The following LRCH3 variants were observed in gnomAD, a reference collection of about 807,000 sequenced individuals.
LRCH3 encodes DISP complex protein LRCH3.
A neutral mutation model predicts 104.5 loss-of-function variants in LRCH3; 68 were observed. The ratio of observed to expected loss-of-function variants is 0.65; its 90% CI spans 0.54 to 0.80. The LOEUF is 0.80. LRCH3 is among the 30% of genes least tolerant of loss of function. The pLI, the probability that LRCH3 is intolerant of heterozygous loss-of-function variation, is 0.00. For missense variants in LRCH3, 951 were observed against 953.9 expected (o/e 1.00, Z 0.04); for synonymous variants, 344 against 361.3 (o/e 0.95, Z 0.54).
chr3:197,875,693 T>C lies in LRCH3; in HGVS notation c.2131-5T>C. On this transcript the variant is annotated splice_region_variant and splice_polypyrimidine_tract_variant and intron_variant, in intron 19 of 20. Transcript: ENST00000425562. ...TAGTAACACATTTTCTTTTCCTCAT[T>C]TCAGCCTAAATTAACAATGGCGAAA... 1 of 1,533,336 alleles carries C rather than the reference T, an allele frequency of 6.5e-7. No homozygotes were observed. Among genetic ancestry groups the C allele is most frequent in the Non-Finnish European group, 8.7e-7 (1 of 1,145,834 alleles). 95.0% of individuals were successfully genotyped at this position (1,533,336 alleles called of 1,614,324 possible). A position where few individuals can be genotyped will look rare whatever the true frequency, so the allele number is the denominator to read the frequency against.
At chr3:197,796,268 G>T (rs532333353) in intron 1 of LRCH3, among the ~76,000 whole-genome samples, 1 of 152,150 alleles carries the variant, frequency 6.6e-6, no homozygotes, top group Admixed American at 6.5e-5. Flanking sequence ...GGAGATAGAC[G>T]GGTGGAAGGA....
Position 197,800,131 on chromosome 3 carries a change from A to G in LRCH3, c.262+8591A>G, listed in dbSNP as rs143690800. 3.4e-3 allele frequency among the ~76,000 whole-genome samples: 517 copies of G among 152,066 alleles called. 3 individuals carry two copies. Among genetic ancestry groups the G allele is most frequent in the African/African-American group, 0.012 (497 of 41,486 alleles). ...TTGAACCCCGGTGGTGGAGGTTGCAATGAGCCAAGATCACGCTGATCGCAC... is the reference window on the plus strand; with the variant it reads ...TTGAACCCCGGTGGTGGAGGTTGCAGTGAGCCAAGATCACGCTGATCGCAC... On this transcript the variant is annotated intron_variant, in intron 1 of 20. Coordinates refer to ENST00000425562, the MANE Select transcript of LRCH3 (RefSeq NM_001365715.1).
chr3:197,803,792 C>A (rs1732157078), intron 1 of LRCH3, among the ~76,000 whole-genome samples: 1 of 152,204 alleles, frequency 6.6e-6, no homozygotes, highest in African/African-American at 2.4e-5. Context: ...TTGCAGGCCT[C>A]ATCTCGGAAT....
intron 15 of LRCH3, among the ~76,000 whole-genome samples, chr3:197,864,032 G>A (rs1414947597): frequency 1.3e-5 from 2 of 152,234 alleles, no homozygotes; most frequent in African/African-American, 4.8e-5. Context: ...TAGGCCGGGC[G>A]TGGTGGCTCA....
intron 17 of LRCH3, among the ~76,000 whole-genome samples, chr3:197,868,001 G>A (rs993785644): frequency 1.3e-5 from 2 of 152,102 alleles, no homozygotes; most frequent in Admixed American, 6.5e-5. Context: ...TCCAGCTTGG[G>A]TAACAAAGTG....
At chr3:197,869,580 CGATGCACTGTACCTGCA>C (rs1711836137) in intron 17 of LRCH3, among the ~76,000 whole-genome samples, 180 of 142,214 alleles carry the variant, frequency 1.3e-3, no homozygotes, top group African/African-American at 4.4e-3. Flanking sequence ...AGGTAGAAAG[CGATGCACTGTACCTGCA>C]GGAAGTAGAA....
chr3:197,824,360 G>GA (rs1734866881), intron 4 of LRCH3, among the ~76,000 whole-genome samples: 2 of 76,604 alleles, frequency 2.6e-5, no homozygotes, highest in Middle Eastern at 6.1e-3. Flanking sequence ...ACCACGCCCG[G>GA]CTTTTTTTTT....
At chr3:197,840,945 G>T (rs75046914) in intron 10 of LRCH3, among the ~76,000 whole-genome samples, 1 of 151,980 alleles carries the variant, frequency 6.6e-6, no homozygotes, top group Non-Finnish European at 1.5e-5. Context: ...CCCCTCTCAC[G>T]TCCTGCATCC....
chr3:197,853,013 T>C (rs568482599), intron 13 of LRCH3, among the ~76,000 whole-genome samples: 2 of 152,328 alleles, frequency 1.3e-5, no homozygotes, highest in Non-Finnish European at 2.9e-5. Context: ...ATAACACTTA[T>C]TTTATAATAT....
intron 20 of LRCH3, chr3:197,881,078 T>A (rs897086180): frequency 1.9e-6 from 2 of 1,078,922 alleles, no homozygotes; most frequent in Non-Finnish European, 2.3e-6. Flanking sequence ...ACAATACAAC[T>A]CCCATCTGGC....
rs528963548 is a variant in LRCH3, at chr3:197,887,442, G to T, written c.*3776G>T. On this transcript the variant is annotated 3_prime_UTR_variant, in exon 21 of 21. Transcript: ENST00000425562. The stretch of plus-strand genomic sequence containing the variant: ...CTTCCCATCACTGAACAGTGTTGGC[G>T]GCTGAGAGCCCCCCAGCAGAGCCCT... 6.9e-6 allele frequency: 1 copy of T among 145,032 alleles called. No homozygotes were observed. Among genetic ancestry groups the T allele is most frequent in the Non-Finnish European group, 1.5e-5 (1 of 66,752 alleles). 9.0% of individuals were successfully genotyped at this position (145,032 alleles called of 1,614,324 possible).
chr3:197,820,015 C>T (rs374361352), intron 3 of LRCH3, among the ~76,000 whole-genome samples: 9 of 152,134 alleles, frequency 5.9e-5, no homozygotes, highest in South Asian at 2.1e-4. Context: ...CCGCAGCAAG[C>T]GGCCTTTTCT....
intron 8 of LRCH3, among the ~76,000 whole-genome samples, chr3:197,833,720 TCTTTTA>T (rs1464535251): frequency 6.6e-6 from 1 of 152,214 alleles, no homozygotes; most frequent in Admixed American, 6.5e-5. Flanking sequence ...TAATGCTGCC[TCTTTTA>T]CTTTAAAAAA....
Position 197,814,895 on chromosome 3 carries a change from A to G in LRCH3, c.263-13A>G. Reference sequence around the variant, plus strand: ...AAGGACTGATTTTAAACCTAATTTAATTTTTCTTTTAGACCTGTCGCGAAA... The same window carrying G: ...AAGGACTGATTTTAAACCTAATTTAGTTTTTCTTTTAGACCTGTCGCGAAA... On this transcript the variant is annotated splice_polypyrimidine_tract_variant and intron_variant, in intron 1 of 20. Coordinates refer to ENST00000425562, the MANE Select transcript of LRCH3 (RefSeq NM_001365715.1). 1 of 1,572,246 alleles carries G rather than the reference A, an allele frequency of 6.4e-7. No homozygotes were observed. The highest frequency in any genetic ancestry group is 8.6e-7 in the Non-Finnish European group (1 of 1,165,060).
intron 1 of LRCH3, among the ~76,000 whole-genome samples, chr3:197,792,590 T>C (rs1243373847): frequency 1.2e-5 from 1 of 80,764 alleles, no homozygotes; most frequent in Non-Finnish European, 2.6e-5. Flanking sequence ...TATATATATA[T>C]ATATATATAT....
chr3:197,850,988 G>A (rs1739514659), intron 12 of LRCH3: 3 of 777,614 alleles, frequency 3.9e-6, no homozygotes, highest in Admixed American at 3.4e-5. Flanking sequence ...CTTAGGGAAA[G>A]AGCCCATTTT....
Position 197,839,325 on chromosome 3 carries a change from C to A in LRCH3, c.1256C>A (p.Ser419Ter). 1 of 1,590,924 alleles carries A rather than the reference C, an allele frequency of 6.3e-7. No homozygotes were observed. The highest frequency in any genetic ancestry group is 1.1e-5 in the South Asian group (1 of 86,980). The stretch of plus-strand genomic sequence containing the variant: ...TATTTCTGTCCTCTGGCCTAGGGTT[C>A]ACCAGTAAAGCCAGTAGCCATTAGG... ...IEQRRISHEG[S>*]PVKPVAIREF... Residue 419 changes from serine to a stop codon, truncating the protein, a stop_gained, in exon 10 of 21, where the codon TCA becomes TAA. Transcript: ENST00000425562. LOFTEE classifies it high-confidence loss of function.
chr3:197,794,610 C>T (rs978004438), intron 1 of LRCH3, among the ~76,000 whole-genome samples: 2 of 152,176 alleles, frequency 1.3e-5, no homozygotes, highest in South Asian at 2.1e-4. Flanking sequence ...CCTTCAAATT[C>T]GTATCCTAGG....
intron 1 of LRCH3, 108 bp downstream of exon 1, chr3:197,791,648 C>G (rs1369456024): frequency 7.8e-7 from 1 of 1,287,746 alleles, no homozygotes; most frequent in Non-Finnish European, 1.0e-6. Flanking sequence ...CCCGTAGGCG[C>G]CGGGTCCGGA....
Sources: allele counts gnomAD v4.1 joint callset (sites outside exome capture counted in the v4.1 genomes callset), GRCh38; gene constraint gnomAD v4.1.1; transcripts MANE v1.5; gene names NCBI Gene and HGNC (gene_info 2026-07-23, HGNC 2026-07-21).